Variants in EPB41L2 observed in about 807,000 individuals in gnomAD.
EPB41L2 encodes the protein band 4.1-like protein 2.
Under a neutral mutation model 113.0 loss-of-function variants are expected in EPB41L2, and 43 were observed. The observed-to-expected ratio is 0.38, with a 90% CI of 0.30 to 0.49. EPB41L2 has a LOEUF of 0.49. Among genes scored for constraint, EPB41L2 ranks in the 20% least tolerant of loss-of-function variants. The probability of loss-of-function intolerance (pLI) is 0.95; values close to 1 mark genes in which losing one functional copy is unlikely to be tolerated. For missense variants in EPB41L2, 1,147 were observed against 1,223.4 expected, an observed-to-expected ratio of 0.94 and a Z score of 0.93; for synonymous variants, 442 against 436.7, an observed-to-expected ratio of 1.01 and a Z score of -0.15.
chr6:131,038,474 A>G (rs1793791478), intron 1 of EPB41L2, among the ~76,000 whole-genome samples: 1 of 152,242 alleles, frequency 6.6e-6, no homozygotes, highest in Admixed American at 6.5e-5. Context: ...CAGTTAAAGC[A>G]ATTTCACACA....
At chr6:130,959,264 G>T (rs546439587) in intron 1 of EPB41L2, among the ~76,000 whole-genome samples, 61 of 152,294 alleles carry the variant, frequency 4.0e-4, no homozygotes, top group African/African-American at 1.4e-3. Context: ...CATTGTGATT[G>T]AGAGGTTGTG....
chr6:130,887,406 A>T (rs1277048714), intron 11 of EPB41L2, among the ~76,000 whole-genome samples: 1 of 150,724 alleles, frequency 6.6e-6, no homozygotes, highest in Non-Finnish European at 1.5e-5. Flanking sequence ...GCATCAAATG[A>T]TTTTTTTTTT....
intron 2 of EPB41L2, 30 bp from the exon 3 acceptor site, chr6:130,955,347 T>G (rs377251382): frequency 1.4e-5 from 23 of 1,601,530 alleles, no homozygotes; most frequent in Middle Eastern, 1.7e-4. Flanking sequence ...AAATTCATAC[T>G]ATAGTCAACC....
intron 3 of EPB41L2, among the ~76,000 whole-genome samples, chr6:130,932,589 C>A (rs1474211057): frequency 3.3e-5 from 5 of 152,194 alleles, no homozygotes; most frequent in African/African-American, 9.7e-5. Flanking sequence ...GTATACAAAT[C>A]TCCAAAATAT....
chr6:130,857,249 G>A (rs1780523627), intron 19 of EPB41L2, among the ~76,000 whole-genome samples: 1 of 152,122 alleles, frequency 6.6e-6, no homozygotes, highest in Admixed American at 6.5e-5. Flanking sequence ...TGAGTTTTTA[G>A]TATGCATTGA....
At chr6:131,016,606 A>AAAC (rs1477371137) in intron 1 of EPB41L2, among the ~76,000 whole-genome samples, 7 of 152,148 alleles carry the variant, frequency 4.6e-5, no homozygotes, top group Admixed American at 1.3e-4. Context: ...TAACAGAGAG[A>AAAC]AACAAGGGGG....
At chr6:130,931,056 A>C (rs1304188382) in intron 3 of EPB41L2, among the ~76,000 whole-genome samples, 2 of 152,126 alleles carry the variant, frequency 1.3e-5, no homozygotes, top group Non-Finnish European at 2.9e-5. Flanking sequence ...AGGGAAGGAC[A>C]ATATGAAAGA....
chr6:130,912,914 A>G (rs1799871341), intron 4 of EPB41L2, among the ~76,000 whole-genome samples: 1 of 152,216 alleles, frequency 6.6e-6, no homozygotes, highest in Non-Finnish European at 1.5e-5. Context: ...TCCCCAGAAT[A>G]TTAACACAGA....
At chr6:131,016,595 A>G (rs1489553952) in intron 1 of EPB41L2, among the ~76,000 whole-genome samples, 1 of 152,018 alleles carries the variant, frequency 6.6e-6, no homozygotes, top group Non-Finnish European at 1.5e-5. Context: ...AACCAACATA[A>G]TAACAGAGAG....
chr6:130,946,914 C>G (rs1242918016), intron 3 of EPB41L2, among the ~76,000 whole-genome samples: 3 of 151,450 alleles, frequency 2.0e-5, no homozygotes, highest in East Asian at 3.9e-4. Flanking sequence ...GTAACAAGAA[C>G]AGGAAAGTGC....
At position 130,955,094 on chromosome 6, in the gene EPB41L2, C is replaced by T. The variant is rs769881610; in HGVS notation, c.705+11G>A. The T allele has an allele frequency of 3.1e-6, 5 of 1,612,714 alleles. No individual in the cohort carries two copies. The Admixed American group carries it at 8.3e-5, about 27-fold the overall frequency. The stretch of plus-strand genomic sequence containing the variant: ...ATATCAAGCTAGCTCTCACTCAGCT[C>T]CCTATCTCACCTCCAGGTCACAGCT... On this transcript the variant is annotated intron_variant, in intron 3 of 19. Transcript: ENST00000337057.
intron 1 of EPB41L2, among the ~76,000 whole-genome samples, chr6:130,973,530 G>A (rs1306744620): frequency 1.3e-5 from 2 of 151,296 alleles, no homozygotes; most frequent in Non-Finnish European, 2.9e-5. Context: ...TTTGTGAAAG[G>A]AAAATAAATC....
chr6:130,975,238 T>C (rs1485338993), intron 1 of EPB41L2, among the ~76,000 whole-genome samples: 1 of 152,162 alleles, frequency 6.6e-6, no homozygotes, highest in Non-Finnish European at 1.5e-5. Context: ...CCAAAAAAGG[T>C]CATGTTTCGA....
chr6:130,982,206 A>T (rs1417643651), intron 1 of EPB41L2, among the ~76,000 whole-genome samples: 1 of 152,184 alleles, frequency 6.6e-6, no homozygotes, highest in Admixed American at 6.5e-5. Context: ...GATGCTTTCA[A>T]TACTGTAGTT....
chr6:130,972,909 T>C (rs947758865), intron 1 of EPB41L2, among the ~76,000 whole-genome samples: 9 of 113,004 alleles, frequency 8.0e-5, no homozygotes, highest in South Asian at 3.1e-4. Context: ...CTGGCCACCA[T>C]GGTGAAACCC....
Position 130,900,979 on chromosome 6 carries a change from C to T in EPB41L2, c.1131G>A (p.Glu377=). 6.2e-7 allele frequency: 1 copy of T among 1,614,144 alleles called. No individual in the cohort carries two copies. The highest frequency in any genetic ancestry group is 8.5e-7 in the Non-Finnish European group (1 of 1,180,000). ...CAACAGACCTGTGGGTTTTGTGCAG[C>T]TCTGCCACCTTCTCTTCCAGCTCCT... The part of the protein sequence containing the change: ...QTKELEEKVA[E]LHKTHRGLSP... The change falls in exon 7 of 20, where the codon GAG becomes GAA. Residue 377 remains glutamate (E), a synonymous_variant. Transcript: ENST00000337057.
chr6:130,999,453 A>C (rs1267667555), intron 1 of EPB41L2, among the ~76,000 whole-genome samples: 2 of 152,196 alleles, frequency 1.3e-5, no homozygotes, highest in Non-Finnish European at 2.9e-5. Flanking sequence ...ATGATTCAAT[A>C]AAGTTATTGT....
At chr6:130,872,537 C>G (rs548854816) in intron 14 of EPB41L2, 4 of 1,288,550 alleles carry the variant, frequency 3.1e-6, no homozygotes. Flanking sequence ...CTCTTCTAGG[C>G]TCTAGAGAGG....
At chr6:130,847,588 C>T (rs1777420467) in intron 19 of EPB41L2, among the ~76,000 whole-genome samples, 1 of 152,172 alleles carries the variant, frequency 6.6e-6, no homozygotes, top group Non-Finnish European at 1.5e-5. Context: ...CCCATGTTTA[C>T]CATTACTCTC....
Sources: allele counts gnomAD v4.1 joint callset (sites outside exome capture counted in the v4.1 genomes callset), GRCh38; gene constraint gnomAD v4.1.1; transcripts MANE v1.5; gene names NCBI Gene and HGNC (gene_info 2026-07-23, HGNC 2026-07-21).